RAP1B: variants seen among roughly 807,000 people sequenced by gnomAD.
RAP1B encodes the protein RAP1B, member of RAS oncogene family.
RAP1B carries 1 observed loss-of-function variant against 27.5 expected under a neutral mutation model. The ratio of observed to expected loss-of-function variants is 0.04; its 90% CI spans 0.01 to 0.17. RAP1B has a LOEUF of 0.17. RAP1B is among the 10% of genes least tolerant of loss of function. The pLI is 1.00. For missense variants in RAP1B, 84 were observed against 214.8 expected (o/e 0.39, Z 3.81); for synonymous variants, 75 against 73.1 (o/e 1.03, Z -0.13).
At chr12:68,637,428 C>T (rs962817638) in intron 1 of RAP1B, among the ~76,000 whole-genome samples, 1 of 151,648 alleles carries the variant, frequency 6.6e-6, no homozygotes, top group East Asian at 1.9e-4. Flanking sequence ...TGAAACCCCA[C>T]CTCTACTAAA....
intron 1 of RAP1B, among the ~76,000 whole-genome samples, chr12:68,626,624 A>C (rs1339282472): frequency 6.6e-6 from 1 of 152,162 alleles, no homozygotes; most frequent in Non-Finnish European, 1.5e-5. Flanking sequence ...TCTGAGGAAT[A>C]GCAGACACCC....
chr12:68,652,716 G>A (rs905152631), intron 4 of RAP1B, among the ~76,000 whole-genome samples: 4 of 152,186 alleles, frequency 2.6e-5, no homozygotes, highest in African/African-American at 9.7e-5. Flanking sequence ...TACTTGGGAG[G>A]CTGAGGCAGG....
chr12:68,630,386 C>T (rs1872146303), intron 1 of RAP1B, among the ~76,000 whole-genome samples: 1 of 152,098 alleles, frequency 6.6e-6, no homozygotes, highest in South Asian at 2.1e-4. Flanking sequence ...ATGAGTGTGA[C>T]TGTGTTCCAA....
At chr12:68,641,898 G>C (rs1873035776) in intron 1 of RAP1B, among the ~76,000 whole-genome samples, 1 of 152,066 alleles carries the variant, frequency 6.6e-6, no homozygotes, top group Non-Finnish European at 1.5e-5. Context: ...TGTAATCTTA[G>C]ATTGTGTTGG....
At chr12:68,612,888 C>T (rs964074488) in intron 1 of RAP1B, among the ~76,000 whole-genome samples, 5 of 152,140 alleles carry the variant, frequency 3.3e-5, no homozygotes, top group African/African-American at 7.2e-5. Context: ...ACTTGCATTT[C>T]CTTGTTTGAC....
At chr12:68,618,233 T>A (rs1183981555) in intron 1 of RAP1B, among the ~76,000 whole-genome samples, 1 of 151,562 alleles carries the variant, frequency 6.6e-6, no homozygotes, top group Non-Finnish European at 1.5e-5. Flanking sequence ...ATTACAGGCA[T>A]GCGCCACCAC....
chr12:68,630,739 G>A lies in RAP1B; in HGVS notation c.-26-17960G>A, dbSNP rs756595544. Among the ~76,000 whole-genome samples, 33 of 151,790 alleles carry A rather than the reference G, an allele frequency of 2.2e-4. 1 individual carries two copies. Among genetic ancestry groups the A allele is most frequent in the Admixed American group, 1.9e-3 (29 of 15,218 alleles). ...GTCACCCAGGCTAGAGTGAAGTGGC[G>A]CTGTCACAGCTCACTGCAACCTCAA... On this transcript the variant is annotated intron_variant, in intron 1 of 7. Transcript: ENST00000250559.
At chr12:68,623,935 C>T (rs1468753184) in intron 1 of RAP1B, among the ~76,000 whole-genome samples, 1 of 151,636 alleles carries the variant, frequency 6.6e-6, no homozygotes, top group Non-Finnish European at 1.5e-5. Context: ...GCGGGAGAAT[C>T]GCTTGAACCC....
At chr12:68,652,888 A>G (rs1033877667) in intron 4 of RAP1B, among the ~76,000 whole-genome samples, 1 of 152,150 alleles carries the variant, frequency 6.6e-6, no homozygotes, top group Non-Finnish European at 1.5e-5. Context: ...ATACAGGCAT[A>G]CATTCATTCA....
chr12:68,647,126 C>T (rs1326992955), intron 1 of RAP1B, among the ~76,000 whole-genome samples: 2 of 152,216 alleles, frequency 1.3e-5, no homozygotes, highest in African/African-American at 4.8e-5. Context: ...GATCTCAGCT[C>T]ACTGCAACCT....
intron 1 of RAP1B, among the ~76,000 whole-genome samples, chr12:68,614,924 T>G (rs983293905): frequency 6.6e-6 from 1 of 152,228 alleles, no homozygotes; most frequent in Admixed American, 6.5e-5. Flanking sequence ...ATAGATGAAT[T>G]TATCCATTTG....
chr12:68,625,505 C>T, intron 1 of RAP1B, among the ~76,000 whole-genome samples: 1 of 152,196 alleles, frequency 6.6e-6, no homozygotes, highest in East Asian at 1.9e-4. Flanking sequence ...CTCTGAACTT[C>T]TGGCAGGTTT....
chr12:68,626,934 C>G, intron 1 of RAP1B: 1 of 1,546,350 alleles, frequency 6.5e-7, no homozygotes, highest in Non-Finnish European at 8.8e-7. Flanking sequence ...GACCCGACAG[C>G]CATCTGGGAT....
At chr12:68,645,670 A>G (rs1017868865) in intron 1 of RAP1B, among the ~76,000 whole-genome samples, 1 of 152,242 alleles carries the variant, frequency 6.6e-6, no homozygotes. Context: ...GCAAAACTAG[A>G]TGCAACCACA....
At chr12:68,630,255 TA>T (rs1858154492) in intron 1 of RAP1B, among the ~76,000 whole-genome samples, 1 of 152,230 alleles carries the variant, frequency 6.6e-6, no homozygotes, top group South Asian at 2.1e-4. Context: ...AAGGACCTGA[TA>T]ACTATTTTAA....
In RAP1B at chr12:68,654,355, G is replaced by GC. The variant is rs966226853; in HGVS notation, c.324+103_324+104insC. 1.1e-4 allele frequency: 52 copies of GC among 464,112 alleles called. 6 individuals carry two copies. The highest frequency in any genetic ancestry group is 5.1e-4 in the African/African-American group (24 of 47,382). 28.7% of individuals were successfully genotyped at this position (464,112 alleles called of 1,614,324 possible). A position where few individuals can be genotyped will look rare whatever the true frequency, so the allele number is the denominator to read the frequency against. ...TTAAAGCTTGTGTATTTTGGTTGGG[G>GC]GGGGGGTGTTGGTTTTTTTAAACTT... On this transcript the variant is annotated intron_variant, in intron 5 of 7. Transcript: ENST00000250559.
chr12:68,632,127 T>TGG (rs1872286829), intron 1 of RAP1B, among the ~76,000 whole-genome samples: 2 of 133,380 alleles, frequency 1.5e-5, no homozygotes, highest in African/African-American at 7.3e-5. Context: ...GGTTTTGGAT[T>TGG]TGTTTTTTTT....
At chr12:68,645,267 T>G (rs1040748974) in intron 1 of RAP1B, among the ~76,000 whole-genome samples, 3 of 152,218 alleles carry the variant, frequency 2.0e-5, no homozygotes, top group Admixed American at 6.5e-5. Flanking sequence ...CTGAAAGGTT[T>G]CGTGACTTGC....
At chr12:68,644,294 A>G (rs1378963960) in intron 1 of RAP1B, among the ~76,000 whole-genome samples, 1 of 152,168 alleles carries the variant, frequency 6.6e-6, no homozygotes, top group Admixed American at 6.5e-5. Context: ...TAGTAGATTA[A>G]AGAGTGGAAC....
Sources: allele counts gnomAD v4.1 joint callset (sites outside exome capture counted in the v4.1 genomes callset), GRCh38; gene constraint gnomAD v4.1.1; transcripts MANE v1.5; gene names NCBI Gene and HGNC (gene_info 2026-07-23, HGNC 2026-07-21).